The following NOL11 variants were observed in gnomAD, a reference collection of about 807,000 sequenced individuals.
The protein encoded by NOL11 is nucleolar protein 11.
A neutral mutation model predicts 93.0 loss-of-function variants in NOL11; 42 were observed. The ratio of observed to expected loss-of-function variants is 0.45; its 90% CI spans 0.35 to 0.58. The LOEUF (loss-of-function observed/expected upper bound fraction) is 0.58, where lower values mean the gene tolerates loss of function less well. Among genes scored for constraint, NOL11 ranks in the 20% least tolerant of loss-of-function variants. NOL11 has a pLI of 0.00. For synonymous variants in NOL11, 296 were observed against 293.7 expected (o/e 1.01, Z -0.08); for missense variants, 775 against 841.8 (o/e 0.92, Z 0.98).
Position 67,738,276 on chromosome 17 carries a change from C to G in NOL11, c.1684C>G (p.Gln562Glu), listed in dbSNP as rs147822090. 1.2e-6 allele frequency: 2 copies of G among 1,613,844 alleles called. No homozygotes were observed. The highest frequency in any genetic ancestry group is 1.3e-5 in the African/African-American group (1 of 74,980). Residue 562 changes from glutamine to glutamate, a missense_variant, in exon 14 of 18, where the codon CAA becomes GAA. This residue lies in a region of NOL11 where 416 missense variants were observed against 525.2 expected (regional missense o/e 0.79). Coordinates refer to ENST00000253247, the MANE Select transcript of NOL11 (RefSeq NM_015462.5). ...PEEDKCNNCD[Q>E]ELNKKPQDET... The stretch of plus-strand genomic sequence containing the variant: ...AGAAGATAAATGCAATAACTGTGAT[C>G]AAGAGTTAAATAAAAAGCCCCAGGA...
chr17:67,724,218 C>T, intron 6 of NOL11, 25 bp downstream of exon 6: 1 of 1,404,300 alleles, frequency 7.1e-7, no homozygotes, highest in Non-Finnish European at 9.8e-7. Flanking sequence ...TTTAAACTTT[C>T]AGAGATTATA....
At chr17:67,720,670 G>A (rs1371248804) in intron 3 of NOL11, among the ~76,000 whole-genome samples, 1 of 152,180 alleles carries the variant, frequency 6.6e-6, no homozygotes, top group Non-Finnish European at 1.5e-5. Flanking sequence ...GACTAGCTGT[G>A]CATGTTCTAC....
intron 7 of NOL11, among the ~76,000 whole-genome samples, chr17:67,732,111 CTATT>C (rs1287361980): frequency 4.6e-5 from 7 of 152,096 alleles, no homozygotes; most frequent in East Asian, 3.9e-4. Flanking sequence ...CAGGATATCT[CTATT>C]TATTTATGTC....
intron 7 of NOL11, among the ~76,000 whole-genome samples, chr17:67,729,217 C>T (rs1012248177): frequency 1.5e-4 from 23 of 152,016 alleles, no homozygotes; most frequent in Admixed American, 6.6e-4. Context: ...GCCTCAGGCT[C>T]CCAAGTAACT....
At chr17:67,729,648 G>A (rs572010641) in intron 7 of NOL11, among the ~76,000 whole-genome samples, 12 of 151,672 alleles carry the variant, frequency 7.9e-5, no homozygotes, top group African/African-American at 2.7e-4. Flanking sequence ...GCGCAATCTC[G>A]GCTCACTGCA....
chr17:67,725,995 A>G (rs1348250842), intron 6 of NOL11, among the ~76,000 whole-genome samples: 1 of 152,158 alleles, frequency 6.6e-6, no homozygotes, highest in Admixed American at 6.5e-5. Flanking sequence ...GGTGAAAGAT[A>G]GATCACTTGA....
At chr17:67,718,129 GC>G (rs752695776) in intron 1 of NOL11, 41 bp downstream of exon 1, 3 of 1,595,972 alleles carry the variant, frequency 1.9e-6, no homozygotes, top group South Asian at 2.2e-5. Flanking sequence ...CTGCCTTCTC[GC>G]CCCTTTCTGA....
intron 7 of NOL11, among the ~76,000 whole-genome samples, chr17:67,730,764 A>G (rs1191304720): frequency 6.6e-6 from 1 of 152,236 alleles, no homozygotes; most frequent in Non-Finnish European, 1.5e-5. Flanking sequence ...CATCACCTCA[A>G]GCATTTGTCA....
At chr17:67,721,309 C>A in intron 3 of NOL11, 69 bp from the exon 4 acceptor site, 1 of 977,412 alleles carries the variant, frequency 1.0e-6, no homozygotes, top group Non-Finnish European at 1.4e-6. Flanking sequence ...AAGAAGCCTT[C>A]TCTAAATATC....
At chr17:67,732,592 G>A (rs1037792073) in intron 7 of NOL11, among the ~76,000 whole-genome samples, 3 of 151,092 alleles carry the variant, frequency 2.0e-5, no homozygotes, top group African/African-American at 7.3e-5. Flanking sequence ...TTTTATTTTT[G>A]GAGATGGAGT....
intron 6 of NOL11, 123 bp downstream of exon 6, chr17:67,724,316 A>G: frequency 1.9e-6 from 1 of 535,674 alleles, no homozygotes; most frequent in Non-Finnish European, 3.2e-6. Flanking sequence ...GCTTCTTTAC[A>G]GCGTTCATGC....
chr17:67,742,003 AT>A (rs2143147736), intron 16 of NOL11, among the ~76,000 whole-genome samples: 1 of 152,212 alleles, frequency 6.6e-6, no homozygotes, highest in Admixed American at 6.5e-5. Flanking sequence ...TTTGTTTACC[AT>A]TTTTTGCTGT....
chr17:67,738,242 C>A lies in NOL11; in HGVS notation c.1650C>A (p.Phe550Leu). The A allele has an allele frequency of 6.2e-7, 1 of 1,613,532 alleles. No homozygotes were observed. The highest frequency in any genetic ancestry group is 8.5e-7 in the Non-Finnish European group (1 of 1,179,644). Residue 550 changes from phenylalanine (F) to leucine (L), a missense_variant, in exon 14 of 18, where the codon TTC (phenylalanine) becomes TTA (leucine). This residue lies in a region of NOL11 where 416 missense variants were observed against 525.2 expected (regional missense o/e 0.79). Coordinates refer to ENST00000253247, the MANE Select transcript of NOL11 (RefSeq NM_015462.5). ...EEQTEILQNGFNPEEDKCNNC... is the reference protein window; with the variant it reads ...EEQTEILQNGLNPEEDKCNNC... Reference sequence around the variant, plus strand: ...AAACTGAAATTCTTCAAAATGGCTTCAATCCTGAAGAAGATAAATGCAATA... The same window carrying A: ...AAACTGAAATTCTTCAAAATGGCTTAAATCCTGAAGAAGATAAATGCAATA...
chr17:67,738,257 T>C lies in NOL11; in HGVS notation c.1665T>C (p.Asp555=), dbSNP rs769878659. 1 of 1,613,874 alleles carries C rather than the reference T, an allele frequency of 6.2e-7. No homozygotes were observed. Among genetic ancestry groups the C allele is most frequent in the Admixed American group, 1.7e-5 (1 of 59,994 alleles). ...AAAATGGCTTCAATCCTGAAGAAGA[T>C]AAATGCAATAACTGTGATCAAGAGT... ...ILQNGFNPEE[D]KCNNCDQELN... is the part of the protein sequence containing the mutation. Residue 555 remains aspartate (D), a synonymous_variant, in exon 14 of 18, where the codon GAT becomes GAC. Transcript: ENST00000253247.
chr17:67,741,723 C>G (rs920574370), intron 16 of NOL11, among the ~76,000 whole-genome samples: 3 of 152,014 alleles, frequency 2.0e-5, no homozygotes, highest in South Asian at 2.1e-4. Flanking sequence ...AGGCCCCCAC[C>G]ACCATGCCCC....
intron 7 of NOL11, among the ~76,000 whole-genome samples, chr17:67,729,675 T>C (rs1052468334): frequency 5.9e-5 from 9 of 151,958 alleles, no homozygotes; most frequent in African/African-American, 1.9e-4. Flanking sequence ...GCCCCCCGGG[T>C]TCATGCCATT....
At position 67,743,896 on chromosome 17, in the gene NOL11, T is replaced by A; in HGVS notation, c.*37T>A. 1 of 1,060,530 alleles carries A rather than the reference T, an allele frequency of 9.4e-7. No individual in the cohort carries two copies. The highest frequency in any genetic ancestry group is 1.5e-5 in the South Asian group (1 of 67,788). 65.7% of individuals were successfully genotyped at this position (1,060,530 alleles called of 1,614,324 possible). ...CTCCTTCATAGACATTTTATAAAGC[T>A]CTTTTATGTGAACTCTTGCTTCATC... On this transcript the variant is annotated 3_prime_UTR_variant, in exon 18 of 18. Coordinates refer to ENST00000253247, the MANE Select transcript of NOL11 (RefSeq NM_015462.5).
At chr17:67,724,331 ACT>A in intron 6 of NOL11, 138 bp downstream of exon 6, 2 of 384,640 alleles carry the variant, frequency 5.2e-6, no homozygotes, top group Non-Finnish European at 8.5e-6. Flanking sequence ...TCATGCCTTC[ACT>A]TTTTTTTTTT....
At chr17:67,735,849 A>T in intron 8 of NOL11, 51 bp from the exon 9 acceptor site, 1 of 1,497,040 alleles carries the variant, frequency 6.7e-7, no homozygotes, top group Non-Finnish European at 9.2e-7. Flanking sequence ...ATTGAGTCAT[A>T]CCTTAGAAGA....
Sources: allele counts gnomAD v4.1 joint callset (sites outside exome capture counted in the v4.1 genomes callset), GRCh38; gene constraint gnomAD v4.1.1; regional missense constraint gnomAD v4.1.1; transcripts MANE v1.5; gene names NCBI Gene and HGNC (gene_info 2026-07-23, HGNC 2026-07-21).